VAC14: variants seen among roughly 807,000 people sequenced by gnomAD.
VAC14 encodes the protein VAC14 component of PIKFYVE complex.
In VAC14, 47 loss-of-function variants were observed where a neutral mutation model predicts 85.3. The ratio of observed to expected loss-of-function variants is 0.55; its 90% CI spans 0.44 to 0.70. The LOEUF (loss-of-function observed/expected upper bound fraction) is 0.70, where lower values mean the gene tolerates loss of function less well. Among genes scored for constraint, VAC14 ranks in the 30% least tolerant of loss-of-function variants. The pLI, the probability that VAC14 is intolerant of heterozygous loss-of-function variation, is 0.00. For missense variants in VAC14, 861 were observed against 1,004.3 expected, an observed-to-expected ratio of 0.86 and a Z score of 1.93; for synonymous variants, 447 against 430.5, an observed-to-expected ratio of 1.04 and a Z score of -0.47.
intron 14 of VAC14, among the ~76,000 whole-genome samples, chr16:70,718,244 A>T (rs1415364693): frequency 1.3e-5 from 2 of 152,150 alleles, no homozygotes; most frequent in African/African-American, 4.8e-5. Context: ...AGGAGGAGAT[A>T]GTGATGATCC....
At chr16:70,702,283 G>A (rs1265208854) in intron 14 of VAC14, among the ~76,000 whole-genome samples, 3 of 152,182 alleles carry the variant, frequency 2.0e-5, no homozygotes, top group African/African-American at 7.2e-5. Context: ...GAAGAGGCCT[G>A]GGAAGCCAGC....
At chr16:70,694,999 G>A (rs898447841) in intron 17 of VAC14, among the ~76,000 whole-genome samples, 4 of 152,202 alleles carry the variant, frequency 2.6e-5, no homozygotes, top group Non-Finnish European at 5.9e-5. Flanking sequence ...TGCTGTCAGC[G>A]CTGGCTCATG....
rs369547771 is a variant in VAC14, at chr16:70,692,811, C to T, written c.2186+10G>A. 787 of 1,594,124 alleles carry T rather than the reference C, an allele frequency of 4.9e-4. 14 individuals are homozygous for T. In the South Asian group the frequency reaches 8.4e-3, roughly 17 times the overall value. The stretch of plus-strand genomic sequence containing the variant: ...GGGGGCGGGGGCAGCAGTCCCCAGC[C>T]GGCACTCACTCGGTCTGCAGCAGCT... On this transcript the variant is annotated intron_variant, in intron 18 of 18. Coordinates refer to ENST00000261776, the MANE Select transcript of VAC14 (RefSeq NM_018052.5).
intron 14 of VAC14, among the ~76,000 whole-genome samples, chr16:70,706,446 C>A (rs1490339139): frequency 6.6e-6 from 1 of 152,184 alleles, no homozygotes; most frequent in South Asian, 2.1e-4. Flanking sequence ...TATGGCCAGG[C>A]CTCCTTCCTT....
chr16:70,695,464 A>C, intron 17 of VAC14, 80 bp downstream of exon 17: 3 of 1,460,038 alleles, frequency 2.1e-6, no homozygotes, highest in Non-Finnish European at 1.9e-6. Flanking sequence ...AAAGAGACCA[A>C]CTGGAGCTTG....
intron 14 of VAC14, among the ~76,000 whole-genome samples, chr16:70,706,823 G>A (rs970293619): frequency 4.6e-5 from 7 of 152,186 alleles, no homozygotes; most frequent in African/African-American, 1.7e-4. Context: ...TTGGATGCTG[G>A]ATGGTGCCCA....
intron 14 of VAC14, among the ~76,000 whole-genome samples, chr16:70,729,353 CAGA>C (rs1354187168): frequency 1.3e-5 from 2 of 152,202 alleles, no homozygotes; most frequent in African/African-American, 4.8e-5. Context: ...GCCAGACCAT[CAGA>C]AGCCCTGTCC....
At chr16:70,702,696 G>A (rs1002459217) in intron 14 of VAC14, among the ~76,000 whole-genome samples, 2 of 152,206 alleles carry the variant, frequency 1.3e-5, no homozygotes, top group African/African-American at 4.8e-5. Flanking sequence ...GCCAGCTCAC[G>A]GGGCCCTTAC....
intron 12 of VAC14, among the ~76,000 whole-genome samples, chr16:70,756,566 T>A (rs2031878002): frequency 6.6e-6 from 1 of 152,150 alleles, no homozygotes; most frequent in African/African-American, 2.4e-5. Flanking sequence ...GAGGGCTGGA[T>A]AGGGCATCTG....
intron 14 of VAC14, chr16:70,699,172 C>T: frequency 4.2e-6 from 1 of 240,674 alleles, no homozygotes; most frequent in South Asian, 6.5e-5. Context: ...GCCCCCACCC[C>T]AGGCCAAGAC....
At chr16:70,736,706 A>G (rs1407201757) in intron 13 of VAC14, among the ~76,000 whole-genome samples, 1 of 152,196 alleles carries the variant, frequency 6.6e-6, no homozygotes, top group Admixed American at 6.5e-5. Flanking sequence ...AGCTGCGAGA[A>G]GCCGCAGCAA....
intron 1 of VAC14, among the ~76,000 whole-genome samples, chr16:70,789,591 A>T (rs935138077): frequency 6.6e-6 from 1 of 152,240 alleles, no homozygotes; most frequent in African/African-American, 2.4e-5. Context: ...GCAGACCTTT[A>T]GTTTAATCGT....
chr16:70,799,157 AT>A (rs1337765727), intron 1 of VAC14, among the ~76,000 whole-genome samples: 1 of 152,240 alleles, frequency 6.6e-6, no homozygotes, highest in Admixed American at 6.5e-5. Flanking sequence ...AAAACCGGAT[AT>A]TCCTGAGAAG....
chr16:70,750,326 A>G (rs938306440), intron 12 of VAC14, among the ~76,000 whole-genome samples: 1 of 152,190 alleles, frequency 6.6e-6, no homozygotes, highest in African/African-American at 2.4e-5. Flanking sequence ...CAAAATGAAT[A>G]TAAAACACTT....
At chr16:70,775,455 G>C (rs1315567770) in intron 9 of VAC14, among the ~76,000 whole-genome samples, 2 of 152,190 alleles carry the variant, frequency 1.3e-5, no homozygotes, top group Non-Finnish European at 2.9e-5. Context: ...CTATGGCTTA[G>C]AGCAGTGCTA....
At chr16:70,711,935 G>A (rs578164554) in intron 14 of VAC14, among the ~76,000 whole-genome samples, 119 of 152,290 alleles carry the variant, frequency 7.8e-4, no homozygotes, top group Middle Eastern at 3.4e-3. Context: ...CTGAGAGGCC[G>A]GTAAAAAGAT....
intron 1 of VAC14, among the ~76,000 whole-genome samples, chr16:70,800,007 G>A (rs2034701998): frequency 1.3e-5 from 2 of 152,142 alleles, no homozygotes; most frequent in East Asian, 3.9e-4. Flanking sequence ...CTGACTCGCA[G>A]ACTGGTATTC....
rs565112869 is a variant in VAC14, at chr16:70,706,326, C to T, written c.1662-7515G>A. Among the ~76,000 whole-genome samples, 14 of 152,294 alleles carry T rather than the reference C, an allele frequency of 9.2e-5. No homozygotes were observed. In the South Asian group the frequency reaches 2.7e-3, roughly 29 times the overall value. ...ACAGTGTGGGCTGGGTGGACTCCAC[C>T]GGTCTCTCTGCAAGTCGCCTTAGGA... is the stretch of plus-strand genomic sequence containing the variant. On this transcript the variant is annotated intron_variant, in intron 14 of 18. Transcript: ENST00000261776.
Position 70,694,295 on chromosome 16 carries a change from G to C in VAC14, c.2035+1249C>G, listed in dbSNP as rs1390377968. On this transcript the variant is annotated intron_variant, in intron 17 of 18. Coordinates refer to ENST00000261776, the MANE Select transcript of VAC14 (RefSeq NM_018052.5). ...GATGAGTCAGGACAGACCAGCAGCA[G>C]GAGCAGGGTCTTTTTAGGATCTGAC... Among the ~76,000 whole-genome samples the C allele has an allele frequency of 2.0e-5, 3 of 152,236 alleles. No individual in the cohort carries two copies. In the East Asian group the frequency reaches 5.8e-4, roughly 29 times the overall value.
Sources: gnomAD v4.1 joint callset for allele counts (sites outside exome capture counted in the v4.1 genomes callset) on GRCh38, gnomAD v4.1.1 for gene constraint, MANE v1.5 for transcripts, NCBI Gene and HGNC (gene_info 2026-07-23, HGNC 2026-07-21) for gene names.